IFT52: variants seen among roughly 807,000 people sequenced by gnomAD.
IFT52 encodes the protein intraflagellar transport 52.
IFT52 carries 44 observed loss-of-function variants against 54.4 expected under a neutral mutation model. The observed-to-expected ratio is 0.81, with a 90% confidence interval of 0.63 to 1.04. IFT52 has a LOEUF of 1.04. Ranked by LOEUF, IFT52 falls within the 50% of genes least tolerant of loss-of-function variation. The probability of loss-of-function intolerance (pLI) is 0.00; values close to 1 mark genes in which losing one functional copy is unlikely to be tolerated. For missense variants in IFT52, 452 were observed against 523.6 expected, an observed-to-expected ratio of 0.86 and a Z score of 1.33; for synonymous variants, 181 against 185.3, an observed-to-expected ratio of 0.98 and a Z score of 0.19.
At chr20:43,638,243 T>C (rs986821743) in intron 12 of IFT52, among the ~76,000 whole-genome samples, 2 of 151,956 alleles carry the variant, frequency 1.3e-5, no homozygotes, top group Non-Finnish European at 2.9e-5. Flanking sequence ...CAGCCTTGGG[T>C]GCAATAGTGC....
chr20:43,601,466 G>C (rs1327241642), intron 3 of IFT52, among the ~76,000 whole-genome samples: 1 of 152,204 alleles, frequency 6.6e-6, no homozygotes, highest in Non-Finnish European at 1.5e-5. Flanking sequence ...TGTATAGCTG[G>C]AAACTGGGTC....
At chr20:43,641,154 T>A (rs1254195767) in intron 12 of IFT52, among the ~76,000 whole-genome samples, 1 of 151,764 alleles carries the variant, frequency 6.6e-6, no homozygotes, top group Non-Finnish European at 1.5e-5. Context: ...ATGTTGTTGG[T>A]GGAATTATGG....
intron 6 of IFT52, among the ~76,000 whole-genome samples, chr20:43,608,150 AG>A (rs1983122753): frequency 6.6e-6 from 1 of 151,854 alleles, no homozygotes. Flanking sequence ...AGAGAGGGAG[AG>A]GGAGACCGTG....
rs1323841662 is a variant in IFT52 at position 43,605,070 on chromosome 20, C to T, written c.482C>T (p.Ala161Val). 1.9e-6 allele frequency: 3 copies of T among 1,613,176 alleles called. No homozygotes were observed. The highest frequency in any genetic ancestry group is 1.3e-5 in the African/African-American group (1 of 74,968). ...IIDEESSGNN[A>V]QALTFVYPFG... ...GATGAGGAAAGCAGTGGAAACAATG[C>T]CCAGTGAGTGTGTTTTCTGATGCCA... The change falls in exon 6 of 14, where the codon GCC becomes GTC. Residue 161 changes from alanine to valine, a missense_variant. Transcript: ENST00000373030.
chr20:43,599,101 T>C (rs774701054), intron 3 of IFT52, among the ~76,000 whole-genome samples: 1 of 152,154 alleles, frequency 6.6e-6, no homozygotes, highest in Admixed American at 6.5e-5. Context: ...GAAATTACCA[T>C]TGGGAATGTG....
At chr20:43,646,168 G>T (rs565700120) in intron 13 of IFT52, among the ~76,000 whole-genome samples, 1 of 150,146 alleles carries the variant, frequency 6.7e-6, no homozygotes, top group Non-Finnish European at 1.5e-5. Context: ...CCGAGATCAC[G>T]CCACTGCACT....
At chr20:43,596,783 C>T (rs144803520) in intron 3 of IFT52, among the ~76,000 whole-genome samples, 1,760 of 143,072 alleles carry the variant, frequency 0.012, 30 homozygotes, top group African/African-American at 0.036. Flanking sequence ...GCTCTGTCGC[C>T]GAGGCTGGAG....
chr20:43,641,054 A>G (rs1317376516), intron 12 of IFT52, among the ~76,000 whole-genome samples: 4 of 135,040 alleles, frequency 3.0e-5, no homozygotes, highest in East Asian at 2.2e-4. Context: ...AAAAAAAAAA[A>G]GGAAGAAAGA....
At chr20:43,646,904 A>T in intron 13 of IFT52, 32 bp from the exon 14 acceptor site, 1 of 1,574,262 alleles carries the variant, frequency 6.4e-7, no homozygotes, top group Non-Finnish European at 8.7e-7. Context: ...ATACTGAAAT[A>T]CTAAAATTCT....
chr20:43,605,913 C>G (rs893603913), intron 6 of IFT52, among the ~76,000 whole-genome samples: 3 of 152,050 alleles, frequency 2.0e-5, no homozygotes, highest in Non-Finnish European at 4.4e-5. Flanking sequence ...ACTTCTGTTC[C>G]GTATTGTTGT....
chr20:43,611,901 A>G (rs986835950), intron 6 of IFT52, among the ~76,000 whole-genome samples: 2 of 151,714 alleles, frequency 1.3e-5, no homozygotes, highest in Non-Finnish European at 2.9e-5. Context: ...GTGGTGGTGC[A>G]CACCTGTAAT....
At chr20:43,621,952 A>T (rs911952811) in intron 9 of IFT52, among the ~76,000 whole-genome samples, 28 of 152,198 alleles carry the variant, frequency 1.8e-4, no homozygotes, top group Non-Finnish European at 1.0e-4. Flanking sequence ...CATTTTATAG[A>T]TGAGGAAACT....
At position 43,635,966 on chromosome 20, in the gene IFT52, C is replaced by T. The variant is rs199744355; in HGVS notation, c.964C>T (p.Leu322Phe). Residue 322 changes from leucine (L) to phenylalanine (F), a missense_variant, in exon 11 of 14, where the codon CTC (leucine) becomes TTC (phenylalanine). Physicochemically the swap from Leu to Phe is conservative, Grantham distance 22. Coordinates refer to ENST00000373030, the MANE Select transcript of IFT52 (RefSeq NM_016004.5). ...QLNVKHEPLQ[L>F]IQPQFETPLP... ...AAATGTGAAACATGAACCACTCCAG[C>T]TCATCCAGCCTCAGTTTGAGACGCC... 5.8e-5 allele frequency: 94 copies of T among 1,614,068 alleles called. No homozygotes were observed. Among genetic ancestry groups the T allele is most frequent in the Non-Finnish European group, 6.6e-5 (78 of 1,180,030 alleles).
intron 6 of IFT52, among the ~76,000 whole-genome samples, chr20:43,612,938 A>G (rs1234004375): frequency 6.6e-6 from 1 of 151,950 alleles, no homozygotes; most frequent in East Asian, 1.9e-4. Context: ...GTAAAACCCT[A>G]ACCCCTCCTA....
At chr20:43,610,291 C>CAA (rs11324612) in intron 6 of IFT52, among the ~76,000 whole-genome samples, 4 of 90,022 alleles carry the variant, frequency 4.4e-5, no homozygotes, top group South Asian at 3.6e-4. Flanking sequence ...GACACCAACG[C>CAA]AAAAAAAAAA....
At chr20:43,630,004 T>A (rs1293703532) in intron 10 of IFT52, among the ~76,000 whole-genome samples, 1 of 152,198 alleles carries the variant, frequency 6.6e-6, no homozygotes, top group African/African-American at 2.4e-5. Flanking sequence ...AATGTGTTAC[T>A]GTAGGAGGTG....
Position 43,635,920 on chromosome 20 carries a change from A to G in IFT52, c.924-6A>G. ...TCCCTGCTTTTTTGTTTGATTATGA[A>G]CACAGGGCTCACGAGCAGCTAAATG... On this transcript the variant is annotated splice_polypyrimidine_tract_variant and splice_region_variant and intron_variant, in intron 10 of 13. Transcript: ENST00000373030. The G allele has an allele frequency of 6.2e-7, 1 of 1,614,036 alleles. No homozygotes were observed. Among genetic ancestry groups the G allele is most frequent in the Non-Finnish European group, 8.5e-7 (1 of 1,179,926 alleles).
rs1225893115 is a variant in IFT52 at position 43,618,867 on chromosome 20, A to T, written c.613-73A>T. On this transcript the variant is annotated intron_variant, in intron 7 of 13. Transcript: ENST00000373030. The stretch of plus-strand genomic sequence containing the variant: ...AGACAGTTGCTAGCATGATTCTAAT[A>T]AGTGTCTGGGTACTAGGATACATGA... The T allele has an allele frequency of 2.7e-5, 25 of 922,498 alleles. No individual in the cohort carries two copies. In the East Asian group the frequency reaches 5.8e-4, roughly 22 times the overall value. The allele number at this position is 922,498 out of a possible 1,614,324, so 57.1% of individuals were successfully genotyped here.
At chr20:43,598,276 GTGGTTGCCAGGGCC>G (rs1485642584) in intron 3 of IFT52, among the ~76,000 whole-genome samples, 1 of 152,184 alleles carries the variant, frequency 6.6e-6, no homozygotes. Flanking sequence ...TAGAAGGGTG[GTGGTTGCCAGGGCC>G]TGGGGGAGGT....
Sources: allele counts gnomAD v4.1 joint callset (sites outside exome capture counted in the v4.1 genomes callset), GRCh38; gene constraint gnomAD v4.1.1; transcripts MANE v1.5; gene names NCBI Gene and HGNC (gene_info 2026-07-23, HGNC 2026-07-21).